HNRNPF: variants seen among roughly 807,000 people sequenced by gnomAD.
The protein encoded by HNRNPF is heterogeneous nuclear ribonucleoprotein F.
In HNRNPF, 2 loss-of-function variants were observed where a neutral mutation model predicts 26.0. That is an observed-to-expected ratio of 0.08 (90% CI 0.03 to 0.24). The LOEUF is 0.24. HNRNPF is among the 10% of genes least tolerant of loss of function. The pLI is 1.00. For synonymous variants in HNRNPF, 234 were observed against 211.5 expected (o/e 1.11, Z -0.92); for missense variants, 299 against 539.2 (o/e 0.55, Z 4.41).
At chr10:43,389,914 C>G (rs1838176215) in intron 3 of HNRNPF, among the ~76,000 whole-genome samples, 1 of 152,196 alleles carries the variant, frequency 6.6e-6, no homozygotes, top group Non-Finnish European at 1.5e-5. Context: ...TAAACTCCAT[C>G]AACTTTTATA....
At chr10:43,405,819 CT>C (rs1223085619) in intron 1 of HNRNPF, among the ~76,000 whole-genome samples, 2 of 152,090 alleles carry the variant, frequency 1.3e-5, no homozygotes, top group Non-Finnish European at 2.9e-5. Context: ...CTGGGATTTG[CT>C]GTAAAATAAG....
Position 43,387,135 on chromosome 10 carries a change from ACTG to A in HNRNPF, c.747_749del (p.Ser250del). On this transcript the variant is annotated inframe_deletion, in exon 4 of 4. Coordinates refer to ENST00000682386, the MANE Select transcript of HNRNPF (RefSeq NM_001098204.2). This position sits in a 1 kb window ranked among gnomAD's most constrained non-coding sequence, Gnocchi z 6.0. ...GGTCGGTGGTGAAGCCGTAGCCATC[ACTG>A]AGGCCACTGTACTCCTCGTAGCCCC... 1.2e-6 allele frequency: 2 copies of A among 1,614,018 alleles called. No homozygotes were observed. Among genetic ancestry groups the A allele is most frequent in the Non-Finnish European group, 1.7e-6 (2 of 1,180,016 alleles).
At chr10:43,405,377 C>G (rs1352102046) in intron 1 of HNRNPF, among the ~76,000 whole-genome samples, 1 of 152,172 alleles carries the variant, frequency 6.6e-6, no homozygotes, top group Non-Finnish European at 1.5e-5. Context: ...TTAATACATG[C>G]CGGGCGCGGT....
At chr10:43,388,252 C>A (rs1158851721) in intron 3 of HNRNPF, among the ~76,000 whole-genome samples, 1 of 152,188 alleles carries the variant, frequency 6.6e-6, no homozygotes, top group East Asian at 1.9e-4. Context: ...TGTGGCAGTT[C>A]ACCTATAAGA....
chr10:43,394,607 G>A (rs1291221026), intron 3 of HNRNPF, 23 bp downstream of exon 3: 4 of 152,066 alleles, frequency 2.6e-5, no homozygotes, highest in African/African-American at 7.2e-5. Context: ...AGCTGAAAAG[G>A]GGCTCTTCTT....
intron 1 of HNRNPF, chr10:43,396,907 AGG>A (rs1838555720): frequency 2.4e-4 from 1 of 4,174 alleles, no homozygotes; most frequent in Middle Eastern, 0.071. Context: ...AGGGGAGGGG[AGG>A]GGAGGGGAGG....
At chr10:43,403,214 C>T (rs1838806875) in intron 1 of HNRNPF, among the ~76,000 whole-genome samples, 2 of 152,092 alleles carry the variant, frequency 1.3e-5, no homozygotes, top group Admixed American at 6.6e-5. Context: ...GATGGGGTTT[C>T]GCCACATTGG....
intron 1 of HNRNPF, among the ~76,000 whole-genome samples, chr10:43,406,099 A>T (rs1337003282): frequency 6.6e-6 from 1 of 152,218 alleles, no homozygotes; most frequent in Non-Finnish European, 1.5e-5. Context: ...TAGAAAATGG[A>T]GTAAAACTTC....
chr10:43,400,349 ATATTCT>A (rs1460556814), intron 1 of HNRNPF, among the ~76,000 whole-genome samples: 4 of 152,148 alleles, frequency 2.6e-5, no homozygotes, highest in Non-Finnish European at 5.9e-5. Flanking sequence ...CTTTGTATTC[ATATTCT>A]TATTTCGTGG....
rs529013340 is a variant in HNRNPF at position 43,386,117 on chromosome 10, CAAAG to C, written c.*516_*519del. On this transcript the variant is annotated 3_prime_UTR_variant, in exon 4 of 4. Coordinates refer to ENST00000682386, the MANE Select transcript of HNRNPF (RefSeq NM_001098204.2). ...ATACACCCAAAAGGAAATCACAGTA[CAAAG>C]AAAGTTTTAAGTCAAGGCCTCACCA... 8 of 152,698 alleles carry C rather than the reference CAAAG, an allele frequency of 5.2e-5. No homozygotes were observed. Among genetic ancestry groups the C allele is most frequent in the East Asian group, 1.9e-4 (1 of 5,178 alleles). The allele number at this position is 152,698 out of a possible 1,614,324, so 9.5% of individuals were successfully genotyped here. A position where few individuals can be genotyped will look rare whatever the true frequency, so the allele number is the denominator to read the frequency against.
chr10:43,404,586 G>A (rs1429544431), intron 1 of HNRNPF, among the ~76,000 whole-genome samples: 2 of 151,840 alleles, frequency 1.3e-5, no homozygotes, highest in Middle Eastern at 3.2e-3. Flanking sequence ...GACTGGGTGC[G>A]GTGGCTCACA....
At chr10:43,405,423 G>A (rs1178850425) in intron 1 of HNRNPF, among the ~76,000 whole-genome samples, 3 of 152,128 alleles carry the variant, frequency 2.0e-5, no homozygotes, top group Non-Finnish European at 4.4e-5. Flanking sequence ...TTGGGAGGCC[G>A]AGGCCGGCGG....
intron 1 of HNRNPF, chr10:43,397,060 G>GAGGGA (rs1838567914): frequency 6.6e-6 from 1 of 152,124 alleles, no homozygotes; most frequent in South Asian, 2.1e-4. Flanking sequence ...CGGCTGAAGG[G>GAGGGA]AGGGAAGGGA....
At position 43,388,171 on chromosome 10, in the gene HNRNPF, G is replaced by A. The variant is rs560165706; in HGVS notation, c.-52-235C>T. 2.0e-5 allele frequency among the ~76,000 whole-genome samples: 3 copies of A among 152,136 alleles called. No individual in the cohort carries two copies. The South Asian group carries it at 6.2e-4, about 32-fold the overall frequency. On this transcript the variant is annotated intron_variant, in intron 3 of 3. Transcript: ENST00000682386. ...TGTGGTGCCTTGAACACAGAGAAATGTAAGTTTCAGTCAGTTTAGAGCAAG... is the reference window on the plus strand; with the variant it reads ...TGTGGTGCCTTGAACACAGAGAAATATAAGTTTCAGTCAGTTTAGAGCAAG...
chr10:43,403,376 T>C (rs1246905789), intron 1 of HNRNPF, among the ~76,000 whole-genome samples: 1 of 152,208 alleles, frequency 6.6e-6, no homozygotes, highest in Non-Finnish European at 1.5e-5. Flanking sequence ...TTACAAAGCG[T>C]TGATGTTCTT....
intron 3 of HNRNPF, among the ~76,000 whole-genome samples, chr10:43,391,797 G>A (rs1838259915): frequency 6.6e-6 from 1 of 152,066 alleles, no homozygotes; most frequent in African/African-American, 2.4e-5. Context: ...TTTCTCCACT[G>A]AGCCCTGTCT....
At chr10:43,402,393 C>T (rs1838780560) in intron 1 of HNRNPF, among the ~76,000 whole-genome samples, 1 of 152,160 alleles carries the variant, frequency 6.6e-6, no homozygotes, top group African/African-American at 2.4e-5. Context: ...AATCCTTTAT[C>T]GCTTCTCTTG....
intron 1 of HNRNPF, among the ~76,000 whole-genome samples, chr10:43,407,541 T>C (rs935776856): frequency 4.6e-5 from 7 of 151,390 alleles, no homozygotes; most frequent in Non-Finnish European, 7.4e-5. Flanking sequence ...GACTCTGCGG[T>C]TGGGGGAGCC....
chr10:43,395,438 T>C (rs1257238426), intron 2 of HNRNPF, among the ~76,000 whole-genome samples: 2 of 152,200 alleles, frequency 1.3e-5, no homozygotes, highest in Non-Finnish European at 2.9e-5. Flanking sequence ...CTGAGGGCTA[T>C]GGAATTCTGA....
Sources: allele counts gnomAD v4.1 joint callset (sites outside exome capture counted in the v4.1 genomes callset), GRCh38; gene constraint gnomAD v4.1.1; non-coding constraint Gnocchi (gnomAD v3.1); transcripts MANE v1.5; gene names NCBI Gene and HGNC (gene_info 2026-07-23, HGNC 2026-07-21).